FAM83F: variants seen among roughly 807,000 people sequenced by gnomAD.
The protein encoded by FAM83F is protein FAM83F.
Under a neutral mutation model 42.9 loss-of-function variants are expected in FAM83F, and 45 were observed. That is an observed-to-expected ratio of 1.05 (90% confidence interval 0.83 to 1.35). The LOEUF is 1.35. FAM83F is among the 40% of genes most tolerant of loss of function. FAM83F has a pLI of 0.00. For missense variants in FAM83F, 617 were observed against 695.9 expected, an observed-to-expected ratio of 0.89 and a Z score of 1.28; for synonymous variants, 306 against 298.3, an observed-to-expected ratio of 1.03 and a Z score of -0.27.
rs1489870125 is a variant in FAM83F at position 40,031,688 on chromosome 22, G to T, written c.*2123G>T. On this transcript the variant is annotated 3_prime_UTR_variant, in exon 5 of 5. Coordinates refer to ENST00000333407, the MANE Select transcript of FAM83F (RefSeq NM_138435.4). ...AGACCATATGTTAGGAAGCAAGTTGGCATAGTGGGAAGAGGGCCAGCCACA... is the reference window on the plus strand; with the variant it reads ...AGACCATATGTTAGGAAGCAAGTTGTCATAGTGGGAAGAGGGCCAGCCACA... 1 of 152,254 alleles carries T rather than the reference G, an allele frequency of 6.6e-6. No individual in the cohort carries two copies. Among genetic ancestry groups the T allele is most frequent in the Non-Finnish European group, 1.5e-5 (1 of 68,056 alleles). The allele number at this position is 152,254 out of a possible 1,614,324, so 9.4% of individuals were successfully genotyped here.
In FAM83F at chr22:40,032,912, T is replaced by C. The variant is rs964001862; in HGVS notation, c.*3347T>C. 6.6e-6 allele frequency: 1 copy of C among 152,136 alleles called. No homozygotes were observed. The highest frequency in any genetic ancestry group is 2.1e-4 in the South Asian group (1 of 4,822). The allele number at this position is 152,136 out of a possible 1,614,324, so 9.4% of individuals were successfully genotyped here. A position where few individuals can be genotyped will look rare whatever the true frequency, so the allele number is the denominator to read the frequency against. On this transcript the variant is annotated 3_prime_UTR_variant, in exon 5 of 5. Transcript: ENST00000333407. ...GTTTACTACTGTATTGCTTTTCTCT[T>C]TTTCATATTTATTGAGCACCTACTA... is the stretch of plus-strand genomic sequence containing the variant.
rs1569227800 is a variant in FAM83F at position 39,995,338 on chromosome 22, C to T, written c.296C>T (p.Ala99Val). 2.6e-6 allele frequency: 4 copies of T among 1,540,708 alleles called. No individual in the cohort carries two copies. Among genetic ancestry groups the T allele is most frequent in the Non-Finnish European group, 3.5e-6 (4 of 1,146,104 alleles). The change falls in exon 1 of 5, where the codon GCT becomes GTT. Residue 99 changes from alanine to valine, a missense_variant. By Grantham distance (64) the Ala-to-Val change is moderately conservative. Coordinates refer to ENST00000333407, the MANE Select transcript of FAM83F (RefSeq NM_138435.4). This position sits in a 1 kb window ranked among gnomAD's most constrained non-coding sequence, Gnocchi z 4.6. ...AKAKAPAPAPAESGESLAYWP... is the reference protein window; with the variant it reads ...AKAKAPAPAPVESGESLAYWP... ...GCCAAGGCCCCCGCGCCGGCGCCGG[C>T]TGAGTCCGGCGAGTCCCTGGCCTAC...
At chr22:40,002,186 C>T (rs567429097) in intron 1 of FAM83F, among the ~76,000 whole-genome samples, 73 of 152,304 alleles carry the variant, frequency 4.8e-4, no homozygotes, top group African/African-American at 1.7e-3. Context: ...TCCCCACACA[C>T]GGTCATCCTG....
At position 39,995,102 on chromosome 22, in the gene FAM83F, G is replaced by T. The variant is rs1279918955; in HGVS notation, c.60G>T (p.Glu20Asp). The T allele has an allele frequency of 7.4e-7, 1 of 1,358,528 alleles. No homozygotes were observed. The highest frequency in any genetic ancestry group is 1.9e-5 in the South Asian group (1 of 53,842). The allele number at this position is 1,358,528 out of a possible 1,614,324, so 84.2% of individuals were successfully genotyped here. A position where few individuals can be genotyped will look rare whatever the true frequency, so the allele number is the denominator to read the frequency against. ...CGCACGTGAACGAGAAGGTGACCGAGGCGCAGGCCGCCTTCTACTACTGCG... is the reference window on the plus strand; with the variant it reads ...CGCACGTGAACGAGAAGGTGACCGATGCGCAGGCCGCCTTCTACTACTGCG... ...DEAHVNEKVT[E>D]AQAAFYYCER... The change falls in exon 1 of 5, where the codon GAG becomes GAT. Residue 20 changes from glutamate to aspartate, a missense_variant. Coordinates refer to ENST00000333407, the MANE Select transcript of FAM83F (RefSeq NM_138435.4). This position sits in a 1 kb window ranked among gnomAD's most constrained non-coding sequence, Gnocchi z 4.6.
rs2146253560 is a variant in FAM83F, at chr22:40,040,234, G to C, written c.*10669G>C. 1 of 152,358 alleles carries C rather than the reference G, an allele frequency of 6.6e-6. No homozygotes were observed. Among genetic ancestry groups the C allele is most frequent in the Middle Eastern group, 3.4e-3 (1 of 294 alleles). The allele number at this position is 152,358 out of a possible 1,614,324, so 9.4% of individuals were successfully genotyped here. A position where few individuals can be genotyped will look rare whatever the true frequency, so the allele number is the denominator to read the frequency against. Reference sequence around the variant, plus strand: ...GCTGCACTGTGGGGTTCCCAAGTCAGACATCCCAGAGGCAATATAGCAGCG... The same window carrying C: ...GCTGCACTGTGGGGTTCCCAAGTCACACATCCCAGAGGCAATATAGCAGCG... On this transcript the variant is annotated 3_prime_UTR_variant, in exon 5 of 5. Transcript: ENST00000333407.
Position 39,995,554 on chromosome 22 carries a change from A to C in FAM83F, c.489+23A>C, listed in dbSNP as rs577105797. 56 of 1,530,238 alleles carry C rather than the reference A, an allele frequency of 3.7e-5. No individual in the cohort carries two copies. The African/African-American group carries it at 6.9e-4, about 19-fold the overall frequency. 94.8% of individuals were successfully genotyped at this position (1,530,238 alleles called of 1,614,324 possible). ...AAGGTAGGCCCCCGCCTTCGCCCCC[A>C]CACCGCTGGGACCTCGGCCCCAGTC... On this transcript the variant is annotated intron_variant, in intron 1 of 4. Coordinates refer to ENST00000333407, the MANE Select transcript of FAM83F (RefSeq NM_138435.4). This position sits in a 1 kb window ranked among gnomAD's most constrained non-coding sequence, Gnocchi z 4.6.
intron 3 of FAM83F, among the ~76,000 whole-genome samples, chr22:40,020,798 C>T (rs1313927367): frequency 6.6e-6 from 1 of 152,082 alleles, no homozygotes; most frequent in Non-Finnish European, 1.5e-5. Flanking sequence ...TAAGTCCTGT[C>T]ACATGGTCAG....
chr22:40,027,295 G>GT (rs2067559102), intron 4 of FAM83F, among the ~76,000 whole-genome samples: 3 of 152,168 alleles, frequency 2.0e-5, no homozygotes, highest in Admixed American at 2.0e-4. Flanking sequence ...GCACATCATT[G>GT]TCCTTGTCAT....
chr22:40,018,188 A>G (rs967663644), intron 1 of FAM83F, among the ~76,000 whole-genome samples: 1 of 152,234 alleles, frequency 6.6e-6, no homozygotes, highest in Non-Finnish European at 1.5e-5. Context: ...CTGAAGGCCA[A>G]GGGAATCCAA....
At chr22:39,998,560 C>T (rs1195762278) in intron 1 of FAM83F, among the ~76,000 whole-genome samples, 1 of 151,948 alleles carries the variant, frequency 6.6e-6, no homozygotes, top group Non-Finnish European at 1.5e-5. Context: ...AGGAAACAGC[C>T]CAGCAGGGGC....
In FAM83F at chr22:39,995,249, C is replaced by G; in HGVS notation, c.207C>G (p.Ala69=). The change falls in exon 1 of 5, where the codon GCC becomes GCG. Residue 69 remains alanine, a synonymous_variant. Transcript: ENST00000333407. The surrounding 1 kb of genome is among the most constrained non-coding windows in gnomAD (Gnocchi z 4.6). ...LSSPERQALR[A]AWSPYEDAVP... The stretch of plus-strand genomic sequence containing the variant: ...GCCCGGAGCGCCAGGCCCTGCGGGC[C>G]GCCTGGAGCCCCTACGAGGACGCCG... 1 of 1,534,638 alleles carries G rather than the reference C, an allele frequency of 6.5e-7. No individual in the cohort carries two copies. The highest frequency in any genetic ancestry group is 8.7e-7 in the Non-Finnish European group (1 of 1,145,820).
At chr22:40,003,173 G>A (rs867733830) in intron 1 of FAM83F, among the ~76,000 whole-genome samples, 99 of 152,302 alleles carry the variant, frequency 6.5e-4, no homozygotes, top group African/African-American at 2.3e-3. Flanking sequence ...CTAAGGCTGG[G>A]GAAGAGGGTT....
At chr22:40,020,936 G>C (rs532303546) in intron 3 of FAM83F, among the ~76,000 whole-genome samples, 26 of 152,344 alleles carry the variant, frequency 1.7e-4, no homozygotes, top group Middle Eastern at 6.8e-3. Context: ...GCCAGGGACT[G>C]AGCTAAATGT....
chr22:40,038,608 A>C lies in FAM83F; in HGVS notation c.*9043A>C, dbSNP rs2146252677. On this transcript the variant is annotated 3_prime_UTR_variant, in exon 5 of 5. Transcript: ENST00000333407. ...GCTGCCTTCACTATGGGTGCTCAGG[A>C]AATCTGCCAGGGGAAGGGAGATGTG... 6.6e-6 allele frequency: 1 copy of C among 152,434 alleles called. No individual in the cohort carries two copies. The highest frequency in any genetic ancestry group is 1.5e-5 in the Non-Finnish European group (1 of 68,126). 9.4% of individuals were successfully genotyped at this position (152,434 alleles called of 1,614,324 possible).
intron 1 of FAM83F, among the ~76,000 whole-genome samples, chr22:40,004,133 G>A (rs1229652333): frequency 1.3e-5 from 2 of 152,002 alleles, no homozygotes; most frequent in African/African-American, 2.4e-5. Flanking sequence ...AGAGGAGTAC[G>A]GTGAGAATTC....
chr22:40,002,102 C>T (rs2067405624), intron 1 of FAM83F, among the ~76,000 whole-genome samples: 1 of 152,184 alleles, frequency 6.6e-6, no homozygotes, highest in Non-Finnish European at 1.5e-5. Flanking sequence ...TGGGATCTGG[C>T]ATGGGCAGAG....
rs2067533764 is a variant in FAM83F, at chr22:40,023,465, AG to A, written c.1453+1507del. ...GGGAAGGAGGTGGAAGAGGGGAAGG[AG>A]GGGGCGAGCCGACAGCAGCAAGGAC... On this transcript the variant is annotated intron_variant, in intron 4 of 4. Coordinates refer to ENST00000333407, the MANE Select transcript of FAM83F (RefSeq NM_138435.4). The surrounding 1 kb of genome is among the most constrained non-coding windows in gnomAD (Gnocchi z 4.1). 6.6e-6 allele frequency among the ~76,000 whole-genome samples: 1 copy of A among 151,958 alleles called. No homozygotes were observed. Among genetic ancestry groups the A allele is most frequent in the Non-Finnish European group, 1.5e-5 (1 of 67,928 alleles).
chr22:39,997,109 CT>C (rs2067376290), intron 1 of FAM83F, among the ~76,000 whole-genome samples: 1 of 152,230 alleles, frequency 6.6e-6, no homozygotes, highest in African/African-American at 2.4e-5. Flanking sequence ...TCAGAAGTTT[CT>C]TGCCAGAGTT....
intron 1 of FAM83F, among the ~76,000 whole-genome samples, chr22:40,000,826 C>A (rs142263421): frequency 2.2e-4 from 34 of 152,208 alleles, no homozygotes; most frequent in African/African-American, 7.0e-4. Flanking sequence ...TCTAGAAGCT[C>A]GTAAGCTGCC....
Sources: allele counts gnomAD v4.1 joint callset (sites outside exome capture counted in the v4.1 genomes callset), GRCh38; gene constraint gnomAD v4.1.1; non-coding constraint Gnocchi (gnomAD v3.1); transcripts MANE v1.5; gene names NCBI Gene and HGNC (gene_info 2026-07-23, HGNC 2026-07-21).